The following PDZD2 variants were observed in gnomAD, a reference collection of about 807,000 sequenced individuals.
PDZD2 encodes the protein PDZ domain containing 2.
Under a neutral mutation model 220.7 loss-of-function variants are expected in PDZD2, and 90 were observed. The observed-to-expected ratio is 0.41, with a 90% confidence interval of 0.34 to 0.49. PDZD2 has a LOEUF of 0.49. Among genes scored for constraint, PDZD2 ranks in the 20% least tolerant of loss-of-function variants. The pLI is 0.28. For missense variants in PDZD2, 3,174 were observed against 3,608.5 expected (o/e 0.88, Z 3.08); for synonymous variants, 1,375 against 1,450.5 (o/e 0.95, Z 1.18).
chr5:32,038,359 C>T (rs1387699872), intron 7 of PDZD2, among the ~76,000 whole-genome samples: 1 of 151,218 alleles, frequency 6.6e-6, no homozygotes, highest in Non-Finnish European at 1.5e-5. Context: ...GAAACCCCGT[C>T]TCTACTAAAA....
chr5:31,701,727 G>A (rs572075402), intron 1 of PDZD2, among the ~76,000 whole-genome samples: 1 of 152,274 alleles, frequency 6.6e-6, no homozygotes, highest in East Asian at 1.9e-4. Flanking sequence ...CGCAACTCTG[G>A]TTTTCTCTCA....
intron 2 of PDZD2, among the ~76,000 whole-genome samples, chr5:31,933,727 C>T (rs1745494690): frequency 6.6e-6 from 1 of 152,144 alleles, no homozygotes; most frequent in Non-Finnish European, 1.5e-5. Flanking sequence ...TCCTCATGTT[C>T]CTGTGGGCCT....
At chr5:32,012,718 CA>C (rs1159363104) in intron 6 of PDZD2, among the ~76,000 whole-genome samples, 1 of 151,504 alleles carries the variant, frequency 6.6e-6, no homozygotes, top group Non-Finnish European at 1.5e-5. Context: ...TACTCTCCTG[CA>C]AAAAAACTGC....
chr5:32,003,007 C>A (rs1463363512), intron 5 of PDZD2, among the ~76,000 whole-genome samples: 2 of 142,210 alleles, frequency 1.4e-5, no homozygotes, highest in Non-Finnish European at 3.1e-5. Flanking sequence ...CCAACACACA[C>A]ACCACACACC....
chr5:31,835,394 G>A (rs1248756998), intron 2 of PDZD2, among the ~76,000 whole-genome samples: 2 of 152,120 alleles, frequency 1.3e-5, no homozygotes, highest in African/African-American at 4.8e-5. Context: ...CGACGCAGGT[G>A]AATCACTTGA....
At chr5:31,654,012 C>T (rs1745451021) in intron 1 of PDZD2, among the ~76,000 whole-genome samples, 1 of 152,140 alleles carries the variant, frequency 6.6e-6, no homozygotes, top group African/African-American at 2.4e-5. Context: ...TCTCGATCTC[C>T]TGACCTTGTG....
chr5:31,706,256 T>C (rs189141958), intron 1 of PDZD2, among the ~76,000 whole-genome samples: 1 of 152,210 alleles, frequency 6.6e-6, no homozygotes, highest in Admixed American at 6.6e-5. Flanking sequence ...TAGTTTTGAC[T>C]CTGAGCTTCC....
intron 19 of PDZD2, among the ~76,000 whole-genome samples, chr5:32,079,278 A>G (rs892862399): frequency 4.1e-5 from 6 of 146,170 alleles, no homozygotes; most frequent in African/African-American, 1.6e-4. Context: ...ACAAAAAAAA[A>G]ACAAAAAAAA....
At chr5:31,808,263 T>A (rs1754854652) in intron 2 of PDZD2, among the ~76,000 whole-genome samples, 1 of 152,216 alleles carries the variant, frequency 6.6e-6, no homozygotes, top group Non-Finnish European at 1.5e-5. Context: ...AAGGTGAAAT[T>A]ATACTCAGCT....
At chr5:31,987,041 C>CAG (rs10648622) in intron 3 of PDZD2, among the ~76,000 whole-genome samples, 113,894 of 151,900 alleles carry the variant, frequency 0.75, 42,868 homozygotes, top group Non-Finnish European at 0.77. Context: ...TCCTCTAAAA[C>CAG]AATCTCCTAG....
intron 1 of PDZD2, among the ~76,000 whole-genome samples, chr5:31,793,500 C>T (rs190747998): frequency 7.2e-4 from 110 of 152,214 alleles, no homozygotes; most frequent in Non-Finnish European, 9.1e-4. Context: ...GCTGACTGCC[C>T]CATGCACTAG....
intron 2 of PDZD2, among the ~76,000 whole-genome samples, chr5:31,945,603 T>G (rs910250832): frequency 6.6e-6 from 1 of 152,046 alleles, no homozygotes; most frequent in African/African-American, 2.4e-5. Context: ...TTTACTAGAT[T>G]CCCTTGAGAA....
chr5:31,883,722 C>A (rs1022352495), intron 2 of PDZD2, among the ~76,000 whole-genome samples: 2 of 151,622 alleles, frequency 1.3e-5, no homozygotes, highest in African/African-American at 4.9e-5. Context: ...ATGCCTCAGC[C>A]TTTTGAGTAG....
chr5:31,729,784 T>A (rs1032882529), intron 1 of PDZD2, among the ~76,000 whole-genome samples: 2 of 152,190 alleles, frequency 1.3e-5, no homozygotes, highest in African/African-American at 2.4e-5. Context: ...ATTCTTTGTA[T>A]CTCAAGAGTC....
chr5:31,671,551 C>T (rs574236376), intron 1 of PDZD2, among the ~76,000 whole-genome samples: 1 of 152,284 alleles, frequency 6.6e-6, no homozygotes, highest in East Asian at 1.9e-4. Context: ...TCTCGAAGAG[C>T]CTGGTGCCAG....
At chr5:31,859,877 CTGAA>C (rs1378817143) in intron 2 of PDZD2, among the ~76,000 whole-genome samples, 5 of 152,148 alleles carry the variant, frequency 3.3e-5, no homozygotes, top group African/African-American at 9.7e-5. Flanking sequence ...TGCTGAGTAA[CTGAA>C]TGACATACAC....
chr5:31,878,555 C>CTGTT (rs1739531136), intron 2 of PDZD2, among the ~76,000 whole-genome samples: 1 of 48,198 alleles, frequency 2.1e-5, no homozygotes, highest in Non-Finnish European at 3.7e-5. Context: ...ATGACCTCGG[C>CTGTT]TTTTTTTTTT....
intron 1 of PDZD2, among the ~76,000 whole-genome samples, chr5:31,692,415 G>T (rs1747181233): frequency 6.6e-6 from 1 of 152,368 alleles, no homozygotes; most frequent in Admixed American, 6.5e-5. Context: ...GGCTCCCACA[G>T]TGTAGCGGCG....
intron 2 of PDZD2, among the ~76,000 whole-genome samples, chr5:31,958,625 T>C (rs1747941983): frequency 1.3e-5 from 2 of 151,924 alleles, no homozygotes; most frequent in Non-Finnish European, 2.9e-5. Context: ...TTTAAAGTAC[T>C]CCACCCCGCC....
Sources: gnomAD v4.1 joint callset for allele counts (sites outside exome capture counted in the v4.1 genomes callset) on GRCh38, gnomAD v4.1.1 for gene constraint, MANE v1.5 for transcripts, NCBI Gene and HGNC (gene_info 2026-07-23, HGNC 2026-07-21) for gene names.